NALCN: variants seen among roughly 807,000 people sequenced by gnomAD.
The protein encoded by NALCN is sodium leak channel NALCN.
Under a neutral mutation model 225.3 loss-of-function variants are expected in NALCN, and 111 were observed. The ratio of observed to expected loss-of-function variants is 0.49; its 90% confidence interval spans 0.42 to 0.58. The LOEUF is 0.58. Ranked by LOEUF, NALCN falls within the 20% of genes least tolerant of loss-of-function variation. NALCN has a pLI of 0.00. For synonymous variants in NALCN, 764 were observed against 769.0 expected (o/e 0.99, Z 0.11); for missense variants, 1,378 against 2,202.4 (o/e 0.63, Z 7.49).
intron 7 of NALCN, among the ~76,000 whole-genome samples, chr13:101,294,560 C>CTTTT (rs10615640): frequency 8.2e-4 from 72 of 87,746 alleles, no homozygotes; most frequent in Non-Finnish European, 9.9e-4. Context: ...TTTATTGTTT[C>CTTTT]TTTTTTTTTT....
intron 2 of NALCN, among the ~76,000 whole-genome samples, chr13:101,398,253 T>C (rs1022021227): frequency 6.6e-6 from 1 of 152,176 alleles, no homozygotes; most frequent in Non-Finnish European, 1.5e-5. Context: ...GAGGGCAGAT[T>C]AGAGGAAGAG....
intron 17 of NALCN, among the ~76,000 whole-genome samples, chr13:101,131,179 TTTTA>T (rs543685946): frequency 2.6e-5 from 4 of 152,160 alleles, no homozygotes; most frequent in Non-Finnish European, 4.4e-5. Context: ...TTTTTCTAAC[TTTTA>T]TTTATGTTGC....
At chr13:101,224,978 T>C (rs1266871445) in intron 13 of NALCN, among the ~76,000 whole-genome samples, 1 of 152,164 alleles carries the variant, frequency 6.6e-6, no homozygotes, top group Non-Finnish European at 1.5e-5. Context: ...CTGAAACAAA[T>C]GGAGCATTTC....
intron 11 of NALCN, among the ~76,000 whole-genome samples, chr13:101,240,877 T>C (rs989938965): frequency 1.3e-5 from 2 of 152,214 alleles, no homozygotes; most frequent in African/African-American, 2.4e-5. Flanking sequence ...TAGATGATAA[T>C]GCTAACATGT....
chr13:101,080,019 G>C (rs1192729487), intron 34 of NALCN, among the ~76,000 whole-genome samples: 3 of 152,194 alleles, frequency 2.0e-5, no homozygotes, highest in Admixed American at 6.5e-5. Flanking sequence ...CTAACAAAAA[G>C]AAGGTAATTA....
chr13:101,322,760 T>A (rs750853898), intron 7 of NALCN, among the ~76,000 whole-genome samples: 4 of 152,180 alleles, frequency 2.6e-5, no homozygotes, highest in Non-Finnish European at 5.9e-5. Flanking sequence ...TCGCCCAGGT[T>A]GAAATTTAGT....
rs1035359448 is a variant in NALCN at position 101,292,141 on chromosome 13, A to G, written c.943-47T>C. The G allele has an allele frequency of 2.5e-6, 4 of 1,612,540 alleles. No individual in the cohort carries two copies. The African/African-American group carries it at 5.3e-5, about 22-fold the overall frequency. On this transcript the variant is annotated intron_variant, in intron 8 of 43. Coordinates refer to ENST00000251127, the MANE Select transcript of NALCN (RefSeq NM_052867.4). This position sits in a 1 kb window ranked among gnomAD's most constrained non-coding sequence, Gnocchi z 4.3. ...ATTTACCAAAGTCTAAGAATGACAAAGCAGAGGGCAACCAAAACCAAACAA... is the reference window on the plus strand; with the variant it reads ...ATTTACCAAAGTCTAAGAATGACAAGGCAGAGGGCAACCAAAACCAAACAA...
intron 6 of NALCN, 126 bp downstream of exon 6, chr13:101,376,574 G>A: frequency 1.2e-6 from 1 of 838,612 alleles, no homozygotes; most frequent in Non-Finnish European, 1.8e-6. Flanking sequence ...CGAGGAAGCA[G>A]AGACACAGAA....
chr13:101,334,366 G>T (rs2045291943), intron 7 of NALCN, among the ~76,000 whole-genome samples: 1 of 83,744 alleles, frequency 1.2e-5, no homozygotes, highest in Admixed American at 1.3e-4. Flanking sequence ...ATGGGGGTAG[G>T]GGGAGCGGTA....
chr13:101,288,397 G>A (rs1045518787), intron 9 of NALCN, among the ~76,000 whole-genome samples: 13 of 152,184 alleles, frequency 8.5e-5, no homozygotes, highest in African/African-American at 2.4e-4. Flanking sequence ...CTTTTTGGAG[G>A]AGAAATTCTT....
intron 7 of NALCN, among the ~76,000 whole-genome samples, chr13:101,332,949 G>A (rs749806218): frequency 1.3e-5 from 2 of 152,110 alleles, no homozygotes; most frequent in Non-Finnish European, 2.9e-5. Flanking sequence ...ATGATCCATC[G>A]TTTCTTCTAA....
chr13:101,099,277 A>G (rs1266780158), intron 27 of NALCN, among the ~76,000 whole-genome samples: 1 of 152,028 alleles, frequency 6.6e-6, no homozygotes, highest in Non-Finnish European at 1.5e-5. Context: ...CTGTCTTCTC[A>G]GGTGTATCAA....
intron 17 of NALCN, among the ~76,000 whole-genome samples, chr13:101,138,804 C>T (rs890634036): frequency 6.6e-6 from 1 of 152,156 alleles, no homozygotes; most frequent in Non-Finnish European, 1.5e-5. Flanking sequence ...TTAATCACCA[C>T]TCTGCTTAAG....
rs1050414064 is a variant in NALCN, at chr13:101,055,418, A to G, written c.5094T>C (p.Ser1698=). 5 of 1,614,164 alleles carry G rather than the reference A, an allele frequency of 3.1e-6. No homozygotes were observed. The Admixed American group carries it at 8.3e-5, about 27-fold the overall frequency. Reference sequence around the variant, plus strand: ...TCATGGGGTTCATTTTGCACACGACAGATTTCATGGTTGTCCTTCCTCCAA... The same window carrying G: ...TCATGGGGTTCATTTTGCACACGACGGATTTCATGGTTGTCCTTCCTCCAA... The part of the protein sequence containing the change: ...LRFGGRTTMK[S]VVCKMNPMTD... The change falls in exon 44 of 44, where the codon TCT becomes TCC. Residue 1698 remains serine, a synonymous_variant. Transcript: ENST00000251127.
At chr13:101,127,066 A>T (rs981207779) in intron 17 of NALCN, among the ~76,000 whole-genome samples, 1 of 152,198 alleles carries the variant, frequency 6.6e-6, no homozygotes, top group African/African-American at 2.4e-5. Flanking sequence ...TCTTTCCTTC[A>T]GTGGAAGATG....
intron 15 of NALCN, among the ~76,000 whole-genome samples, chr13:101,155,383 T>G (rs576918287): frequency 6.6e-6 from 1 of 152,352 alleles, no homozygotes; most frequent in African/African-American, 2.4e-5. Context: ...ACAATTCCTC[T>G]AATTCTTCTT....
intron 1 of NALCN, among the ~76,000 whole-genome samples, chr13:101,408,229 C>T (rs1275142669): frequency 3.3e-5 from 5 of 152,156 alleles, no homozygotes; most frequent in Non-Finnish European, 7.4e-5. Flanking sequence ...GCCTATTCCA[C>T]GTCTAAGTAA....
At chr13:101,198,220 C>A (rs1049624652) in intron 13 of NALCN, among the ~76,000 whole-genome samples, 10 of 152,294 alleles carry the variant, frequency 6.6e-5, no homozygotes, top group Admixed American at 2.0e-4. Flanking sequence ...CCATTCAGGA[C>A]ATAGGCATGG....
At chr13:101,399,601 A>G (rs1047430249) in intron 1 of NALCN, among the ~76,000 whole-genome samples, 21 of 152,210 alleles carry the variant, frequency 1.4e-4, no homozygotes, top group African/African-American at 5.1e-4. Flanking sequence ...TTAATACGAC[A>G]TTCACAGACG....
Sources: gnomAD v4.1 joint callset for allele counts (sites outside exome capture counted in the v4.1 genomes callset) on GRCh38, gnomAD v4.1.1 for gene constraint, Gnocchi (gnomAD v3.1) non-coding constraint, MANE v1.5 for transcripts, NCBI Gene and HGNC (gene_info 2026-07-23, HGNC 2026-07-21) for gene names.